Variants in ZWINT observed in about 807,000 individuals in gnomAD.
The protein encoded by ZWINT is ZW10 interacting kinetochore protein.
A neutral mutation model predicts 41.5 loss-of-function variants in ZWINT; 41 were observed. The observed-to-expected ratio is 0.99, with a 90% CI of 0.77 to 1.28. The LOEUF (loss-of-function observed/expected upper bound fraction) is 1.28, where lower values mean the gene tolerates loss of function less well. ZWINT is among the 50% of genes most tolerant of loss of function. ZWINT has a pLI of 0.00. For missense variants in ZWINT, 369 were observed against 329.7 expected, an observed-to-expected ratio of 1.12 and a Z score of -0.92; for synonymous variants, 132 against 126.8, an observed-to-expected ratio of 1.04 and a Z score of -0.28.
intron 1 of ZWINT, among the ~76,000 whole-genome samples, chr10:56,360,724 A>C (rs1401748724): frequency 6.6e-6 from 1 of 152,210 alleles, no homozygotes; most frequent in African/African-American, 2.4e-5. Flanking sequence ...TATGCAAGGA[A>C]GGGGAAGAAT....
At chr10:56,359,581 C>G in intron 4 of ZWINT, 49 bp from the exon 5 acceptor site, 1 of 1,568,752 alleles carries the variant, frequency 6.4e-7, no homozygotes, top group Non-Finnish European at 8.6e-7. Context: ...TTTTTTCTGG[C>G]TAGAATTTTG....
chr10:56,358,640 TG>T lies in ZWINT; in HGVS notation c.707del (p.Pro236GlnfsTer39), dbSNP rs996411744. ...GAGTCGGCTGCTGGGGTTTATCATC[TG>T]GAAGATTCTCTGCCTCAGCCTCAGC... ...PEAEAEAENL[P>X]DDKPQQPTRP... On this transcript the variant is annotated frameshift_variant, in exon 7 of 9. Coordinates refer to ENST00000373944, the MANE Select transcript of ZWINT (RefSeq NM_007057.4). LOFTEE classifies it high-confidence loss of function. 1 of 1,613,982 alleles carries T rather than the reference TG, an allele frequency of 6.2e-7. No individual in the cohort carries two copies. The highest frequency in any genetic ancestry group is 1.3e-5 in the African/African-American group (1 of 74,890).
Position 56,360,141 on chromosome 10 carries a change from C to G in ZWINT, c.133G>C (p.Asp45His). 6.2e-7 allele frequency: 1 copy of G among 1,613,950 alleles called. No individual in the cohort carries two copies. The highest frequency in any genetic ancestry group is 8.5e-7 in the Non-Finnish European group (1 of 1,180,028). The change falls in exon 3 of 9, where the codon GAC becomes CAC. Residue 45 changes from aspartate (D) to histidine (H), a missense_variant and splice_region_variant. Asp to His is a moderately conservative substitution (Grantham distance 81). Transcript: ENST00000373944. ...AGCAGCTTGTCTTTCTTCTGAGAGT[C>G]CTGCTCAGAGGGAGGGCAGAGACAG... ...PAKILVEFVV[D>H]SQKKDKLLCS...
At position 56,361,244 on chromosome 10, in the gene ZWINT, G is replaced by A. The variant is rs775095315; in HGVS notation, c.-8C>T. 4 of 1,611,734 alleles carry A rather than the reference G, an allele frequency of 2.5e-6. No individual in the cohort carries two copies. In the African/African-American group the frequency reaches 4.0e-5, roughly 16 times the overall value. Reference sequence around the variant, plus strand: ...TGTCTCCGCTGCCTCCATCTTTCCAGGCGCCGAGTTCAGCTGCCTTCCCAC... The same window carrying A: ...TGTCTCCGCTGCCTCCATCTTTCCAAGCGCCGAGTTCAGCTGCCTTCCCAC... On this transcript the variant is annotated 5_prime_UTR_variant, in exon 1 of 9. Coordinates refer to ENST00000373944, the MANE Select transcript of ZWINT (RefSeq NM_007057.4).
rs773941907 is a variant in ZWINT, at chr10:56,358,705, G to T, written c.643C>A (p.Leu215Ile). The T allele has an allele frequency of 2.5e-6, 4 of 1,614,030 alleles. No homozygotes were observed. In the African/African-American group the frequency reaches 5.3e-5, roughly 22 times the overall value. The change falls in exon 7 of 9, where the codon CTT becomes ATT. Residue 215 changes from leucine (L) to isoleucine (I), a missense_variant. By Grantham distance (5) the Leu-to-Ile change is conservative (BLOSUM62 2). Transcript: ENST00000373944. Reference sequence around the variant, plus strand: ...AGCTTACCCTGCAGGGTATACAGAAGCTGGAGGAAGGTCTGATACCTACAA... The same window carrying T: ...AGCTTACCCTGCAGGGTATACAGAATCTGGAGGAAGGTCTGATACCTACAA... ...KLQRYQTFLQLLYTLQGKLLF... is the reference protein window; with the variant it reads ...KLQRYQTFLQILYTLQGKLLF...
intron 3 of ZWINT, 78 bp downstream of exon 3, chr10:56,359,940 C>T: frequency 6.2e-7 from 1 of 1,605,440 alleles, no homozygotes; most frequent in South Asian, 1.1e-5. Flanking sequence ...TTCCCATCAG[C>T]CAAATGGGAG....
At position 56,358,891 on chromosome 10, in the gene ZWINT, T is replaced by G. The variant is rs1467258355; in HGVS notation, c.537A>C (p.Thr179=). 1 of 1,614,086 alleles carries G rather than the reference T, an allele frequency of 6.2e-7. No homozygotes were observed. The highest frequency in any genetic ancestry group is 8.5e-7 in the Non-Finnish European group (1 of 1,180,008). Residue 179 remains threonine (T), a synonymous_variant, in exon 6 of 9, where the codon ACA becomes ACC. Coordinates refer to ENST00000373944, the MANE Select transcript of ZWINT (RefSeq NM_007057.4). The stretch of plus-strand genomic sequence containing the variant: ...CCCTGTCAAGCTCCTGCTGAGTCCC[T>G]GTCTTACGCTCCCTCACCTCTGCAG... The part of the protein sequence containing the change: ...EVSAEVRERK[T]GTQQELDRVF...
chr10:56,360,359 G>A lies in ZWINT; in HGVS notation c.66C>T (p.Ile22=), dbSNP rs772915227. The change falls in exon 2 of 9, where the codon ATC becomes ATT. Residue 22 remains isoleucine, a synonymous_variant. Coordinates refer to ENST00000373944, the MANE Select transcript of ZWINT (RefSeq NM_007057.4). ...CCTCCTGCAGGCCTACAGGTTCCAA[G>A]ATGCCTGCCACCTCAGCCAGGACCC... is the stretch of plus-strand genomic sequence containing the variant. ...ALEVLAEVAG[I]LEPVGLQEEA... 3 of 1,614,194 alleles carry A rather than the reference G, an allele frequency of 1.9e-6. No individual in the cohort carries two copies. Among genetic ancestry groups the A allele is most frequent in the Non-Finnish European group, 2.5e-6 (3 of 1,180,036 alleles).
chr10:56,360,963 A>G (rs1250949053), intron 1 of ZWINT, among the ~76,000 whole-genome samples: 1 of 152,074 alleles, frequency 6.6e-6, no homozygotes, highest in Non-Finnish European at 1.5e-5. Context: ...CCTAGAGCAC[A>G]TCCTGTGGAT....
intron 1 of ZWINT, among the ~76,000 whole-genome samples, chr10:56,360,691 A>G (rs1838309052): frequency 6.6e-6 from 1 of 152,216 alleles, no homozygotes. Flanking sequence ...ATTTGAGTCA[A>G]GATGTGAAGG....
Position 56,359,171 on chromosome 10 carries a change from CT to C in ZWINT, c.481-225del, listed in dbSNP as rs567157398. The stretch of plus-strand genomic sequence containing the variant: ...GGGAAGGGGCACAAAGGTGATAACA[CT>C]TATTTAACTTGCTATGTGCCAGGTA... On this transcript the variant is annotated intron_variant, in intron 5 of 8. Coordinates refer to ENST00000373944, the MANE Select transcript of ZWINT (RefSeq NM_007057.4). Among the ~76,000 whole-genome samples, 34 of 152,276 alleles carry C rather than the reference CT, an allele frequency of 2.2e-4. No homozygotes were observed. In the South Asian group the frequency reaches 6.8e-3, roughly 31 times the overall value.
At chr10:56,360,810 A>T (rs1838313538) in intron 1 of ZWINT, among the ~76,000 whole-genome samples, 1 of 152,184 alleles carries the variant, frequency 6.6e-6, no homozygotes, top group Non-Finnish European at 1.5e-5. Flanking sequence ...GAAAGGACTC[A>T]GGGCAGAGGG....
Position 56,358,668 on chromosome 10 carries a change from T to C in ZWINT, c.680A>G (p.Glu227Gly). The C allele has an allele frequency of 6.2e-7, 1 of 1,614,104 alleles. No homozygotes were observed. Among genetic ancestry groups the C allele is most frequent in the Non-Finnish European group, 8.5e-7 (1 of 1,180,020 alleles). ...YTLQGKLLFPEAEAEAENLPD... is the reference protein window; with the variant it reads ...YTLQGKLLFPGAEAEAENLPD... ...AAGATTCTCTGCCTCAGCCTCAGCC[T>C]CAGGGAACAACAGCTTACCCTGCAG... The change falls in exon 7 of 9, where the codon GAG (glutamate) becomes GGG (glycine). Residue 227 changes from glutamate (E) to glycine (G), a missense_variant. By Grantham distance (98) the Glu-to-Gly change is moderately conservative. Transcript: ENST00000373944.
Position 56,360,152 on chromosome 10 carries a change from G to T in ZWINT, c.133-11C>A. The T allele has an allele frequency of 1.9e-6, 3 of 1,613,692 alleles. No homozygotes were observed. The highest frequency in any genetic ancestry group is 2.5e-6 in the Non-Finnish European group (3 of 1,179,998). Reference sequence around the variant, plus strand: ...TTTCTTCTGAGAGTCCTGCTCAGAGGGAGGGCAGAGACAGGGAACATCCTT... The same window carrying T: ...TTTCTTCTGAGAGTCCTGCTCAGAGTGAGGGCAGAGACAGGGAACATCCTT... On this transcript the variant is annotated splice_polypyrimidine_tract_variant and intron_variant, in intron 2 of 8. Transcript: ENST00000373944.
At chr10:56,359,565 A>G in intron 4 of ZWINT, 33 bp from the exon 5 acceptor site, 1 of 1,562,676 alleles carries the variant, frequency 6.4e-7, no homozygotes, top group Non-Finnish European at 8.6e-7. Context: ...GACCAAGAGA[A>G]GTCTATTTTT....
Position 56,358,661 on chromosome 10 carries a change from C to G in ZWINT, c.687G>C (p.Glu229Asp). ...CATCTGGAAGATTCTCTGCCTCAGC[C>G]TCAGCCTCAGGGAACAACAGCTTAC... Reference protein sequence around the residue: ...LQGKLLFPEAEAEAENLPDDK... With the variant: ...LQGKLLFPEADAEAENLPDDK... The change falls in exon 7 of 9, where the codon GAG becomes GAC. Residue 229 changes from glutamate to aspartate, a missense_variant. Glu to Asp is a conservative substitution (Grantham distance 45). Transcript: ENST00000373944. 3 of 1,614,090 alleles carry G rather than the reference C, an allele frequency of 1.9e-6. No individual in the cohort carries two copies. The highest frequency in any genetic ancestry group is 2.5e-6 in the Non-Finnish European group (3 of 1,180,022).
In ZWINT at chr10:56,359,478, G is replaced by T; in HGVS notation, c.478C>A (p.Gln160Lys). The T allele has an allele frequency of 5.2e-6, 8 of 1,533,364 alleles. No individual in the cohort carries two copies. The highest frequency in any genetic ancestry group is 7.0e-6 in the Non-Finnish European group (8 of 1,144,008). The allele number at this position is 1,533,364 out of a possible 1,614,324, so 95.0% of individuals were successfully genotyped here. A position where few individuals can be genotyped will look rare whatever the true frequency, so the allele number is the denominator to read the frequency against. ...TTCTCCTAGGGGGACGAACCTACCT[G>T]TTGTAGCTGCCACTGGTTCTGGACT... ...RAVQNQWQLQQEKHLQHLAEV... is the reference protein window; with the variant it reads ...RAVQNQWQLQKEKHLQHLAEV... The change falls in exon 5 of 9, where the codon CAG becomes AAG. Residue 160 changes from glutamine to lysine, a missense_variant and splice_region_variant. By Grantham distance (53) the Gln-to-Lys change is moderately conservative. Coordinates refer to ENST00000373944, the MANE Select transcript of ZWINT (RefSeq NM_007057.4).
At chr10:56,358,505 C>T (rs1469851789) in intron 7 of ZWINT, 46 bp from the exon 8 acceptor site, 3 of 1,613,832 alleles carry the variant, frequency 1.9e-6, no homozygotes, top group Non-Finnish European at 2.5e-6. Context: ...AATCTCCCAG[C>T]TTCTGTCTCC....
chr10:56,358,035 T>C lies in ZWINT; in HGVS notation c.*192A>G. On this transcript the variant is annotated 3_prime_UTR_variant, in exon 9 of 9. Coordinates refer to ENST00000373944, the MANE Select transcript of ZWINT (RefSeq NM_007057.4). ...ATTAATAGTTGTTCCTGCCAGCATA[T>C]GAAGATGAACAAATACACAACTGAG... 1 of 551,132 alleles carries C rather than the reference T, an allele frequency of 1.8e-6. No homozygotes were observed. Among genetic ancestry groups the C allele is most frequent in the Non-Finnish European group, 3.7e-6 (1 of 272,262 alleles). 34.1% of individuals were successfully genotyped at this position (551,132 alleles called of 1,614,324 possible).
Sources: gnomAD v4.1 joint callset for allele counts (sites outside exome capture counted in the v4.1 genomes callset) on GRCh38, gnomAD v4.1.1 for gene constraint, MANE v1.5 for transcripts, NCBI Gene and HGNC (gene_info 2026-07-23, HGNC 2026-07-21) for gene names.